ASCC1: variants seen among roughly 807,000 people sequenced by gnomAD.
ASCC1 encodes the protein ASC-1 complex subunit P50.
ASCC1 carries 35 observed loss-of-function variants against 46.6 expected under a neutral mutation model. That is an observed-to-expected ratio of 0.75 (90% CI 0.57 to 0.99). The LOEUF (loss-of-function observed/expected upper bound fraction) is 0.99, where lower values mean the gene tolerates loss of function less well. Ranked by LOEUF, ASCC1 falls within the 50% of genes least tolerant of loss-of-function variation. ASCC1 has a pLI of 0.00. For synonymous variants in ASCC1, 143 were observed against 146.6 expected (o/e 0.98, Z 0.18); for missense variants, 376 against 428.7 (o/e 0.88, Z 1.09).
chr10:72,136,390 C>T (rs1846204713), intron 7 of ASCC1, among the ~76,000 whole-genome samples: 1 of 152,136 alleles, frequency 6.6e-6, no homozygotes, highest in Non-Finnish European at 1.5e-5. Context: ...ATTGTAAACG[C>T]ACCAATCAGC....
chr10:72,196,997 C>T lies in ASCC1; in HGVS notation c.311-8G>A. 6.2e-7 allele frequency: 1 copy of T among 1,613,420 alleles called. No individual in the cohort carries two copies. The highest frequency in any genetic ancestry group is 8.5e-7 in the Non-Finnish European group (1 of 1,179,976). On this transcript the variant is annotated splice_region_variant and splice_polypyrimidine_tract_variant and intron_variant, in intron 4 of 9. Coordinates refer to ENST00000672957, the MANE Select transcript of ASCC1 (RefSeq NM_001198800.3). ...GATGCTGGCCAGTGATTACTGTAAA[C>T]AAAGAAGAAAGGGTAAACTGCTCAA...
At chr10:72,177,798 G>A (rs1326835196) in intron 5 of ASCC1, among the ~76,000 whole-genome samples, 2 of 152,186 alleles carry the variant, frequency 1.3e-5, no homozygotes, top group Non-Finnish European at 2.9e-5. Context: ...GAATCTTAAT[G>A]CAAGAGACGA....
At chr10:72,210,586 A>T in intron 3 of ASCC1, 146 bp downstream of exon 3, 1 of 694,054 alleles carries the variant, frequency 1.4e-6, no homozygotes, top group Non-Finnish European at 2.5e-6. Flanking sequence ...ATCTGTAATC[A>T]GTCCTTTGAC....
At chr10:72,196,703 T>C (rs1350772049) in intron 5 of ASCC1, 108 bp downstream of exon 5, 3 of 1,127,806 alleles carry the variant, frequency 2.7e-6, no homozygotes, top group African/African-American at 3.2e-5. Flanking sequence ...TTATCTTTTT[T>C]GGTGGGGGAA....
intron 9 of ASCC1, among the ~76,000 whole-genome samples, chr10:72,101,315 A>G (rs1256405101): frequency 6.6e-6 from 1 of 152,120 alleles, no homozygotes; most frequent in African/African-American, 2.4e-5. Context: ...ACCTAAAACA[A>G]TATAGGTAGT....
At chr10:72,123,431 G>A (rs747806423) in intron 9 of ASCC1, among the ~76,000 whole-genome samples, 2 of 152,076 alleles carry the variant, frequency 1.3e-5, no homozygotes, top group South Asian at 2.1e-4. Flanking sequence ...TGTAAACGGC[G>A]GACCATGGGT....
chr10:72,190,803 C>A (rs1854319268), intron 5 of ASCC1, among the ~76,000 whole-genome samples: 1 of 151,714 alleles, frequency 6.6e-6, no homozygotes, highest in Admixed American at 6.6e-5. Context: ...CGAGACCATC[C>A]TGGCCAACAT....
chr10:72,190,140 G>A (rs953626303), intron 5 of ASCC1: 11 of 761,634 alleles, frequency 1.4e-5, no homozygotes, highest in South Asian at 5.4e-5. Context: ...ATTCATGTTC[G>A]CTGTGGTGGC....
intron 4 of ASCC1, among the ~76,000 whole-genome samples, chr10:72,199,810 T>C (rs1363801931): frequency 1.3e-5 from 2 of 152,068 alleles, no homozygotes; most frequent in East Asian, 3.9e-4. Flanking sequence ...TGGCTCACTG[T>C]AGCCTCGACT....
At chr10:72,097,673 C>G (rs1048278116) in intron 9 of ASCC1, among the ~76,000 whole-genome samples, 4 of 152,178 alleles carry the variant, frequency 2.6e-5, no homozygotes, top group African/African-American at 9.7e-5. Flanking sequence ...TCTAAAGTCT[C>G]CCCTGACAAA....
intron 7 of ASCC1, among the ~76,000 whole-genome samples, chr10:72,152,196 T>G (rs550906403): frequency 1.5e-3 from 220 of 144,790 alleles, no homozygotes; most frequent in Non-Finnish European, 9.4e-4. Flanking sequence ...GTTTTTTGTG[T>G]TTTTTTTTTG....
chr10:72,203,902 G>A (rs1394222608), intron 3 of ASCC1, among the ~76,000 whole-genome samples: 1 of 152,162 alleles, frequency 6.6e-6, no homozygotes, highest in Non-Finnish European at 1.5e-5. Context: ...AGAACTGCTT[G>A]AGACCAGGAG....
chr10:72,205,402 G>T (rs1857060694), intron 3 of ASCC1, among the ~76,000 whole-genome samples: 1 of 152,144 alleles, frequency 6.6e-6, no homozygotes, highest in Non-Finnish European at 1.5e-5. Flanking sequence ...GGCCGAGGTG[G>T]GGGGGATCAC....
At chr10:72,114,865 A>G (rs1057070593) in intron 9 of ASCC1, among the ~76,000 whole-genome samples, 3 of 152,162 alleles carry the variant, frequency 2.0e-5, no homozygotes, top group Non-Finnish European at 2.9e-5. Flanking sequence ...AAAGGCCAGG[A>G]GGCCACACGG....
intron 5 of ASCC1, among the ~76,000 whole-genome samples, chr10:72,175,892 T>G (rs1851800833): frequency 6.6e-6 from 1 of 152,232 alleles, no homozygotes; most frequent in Non-Finnish European, 1.5e-5. Context: ...TCTGATGGGT[T>G]AACAGCGCAA....
chr10:72,171,023 C>T (rs999319399), intron 5 of ASCC1, among the ~76,000 whole-genome samples: 6 of 152,028 alleles, frequency 3.9e-5, no homozygotes, highest in African/African-American at 1.5e-4. Context: ...AGGGCTATGA[C>T]ATGTGCAACT....
intron 8 of ASCC1, 109 bp downstream of exon 8, chr10:72,132,947 TA>T (rs1589278738): frequency 7.0e-7 from 1 of 1,436,892 alleles, no homozygotes; most frequent in Non-Finnish European, 9.8e-7. Context: ...CTAAGAGGTC[TA>T]AAAAAGAAGC....
chr10:72,152,795 C>G, intron 7 of ASCC1, 74 bp downstream of exon 7: 1 of 1,570,400 alleles, frequency 6.4e-7, no homozygotes, highest in Middle Eastern at 1.7e-4. Context: ...GAAAAGGAAT[C>G]AAAATGAATC....
At chr10:72,207,055 T>C (rs6480598) in intron 3 of ASCC1, among the ~76,000 whole-genome samples, 8,406 of 152,238 alleles carry the variant, frequency 0.055, 785 homozygotes, top group African/African-American at 0.19. Context: ...ATTAAACCTA[T>C]ACTGGCACCT....
Sources: gnomAD v4.1 joint callset for allele counts (sites outside exome capture counted in the v4.1 genomes callset) on GRCh38, gnomAD v4.1.1 for gene constraint, MANE v1.5 for transcripts, NCBI Gene and HGNC (gene_info 2026-07-23, HGNC 2026-07-21) for gene names.